ADARB2: variants seen among roughly 807,000 people sequenced by gnomAD.
ADARB2 encodes the protein inactive double-stranded RNA-specific editase B2.
A neutral mutation model predicts 62.2 loss-of-function variants in ADARB2; 25 were observed. The observed-to-expected ratio is 0.40, with a 90% CI of 0.29 to 0.56. The LOEUF (loss-of-function observed/expected upper bound fraction) is 0.56. ADARB2 is among the 20% of genes least tolerant of loss of function. ADARB2 has a pLI of 0.43. For synonymous variants in ADARB2, 572 were observed against 500.8 expected, an observed-to-expected ratio of 1.14 and a Z score of -1.90; for missense variants, 1,071 against 1,077.4, an observed-to-expected ratio of 0.99 and a Z score of 0.08.
At chr10:1,317,575 C>T (rs918843129) in intron 3 of ADARB2, among the ~76,000 whole-genome samples, 1 of 152,156 alleles carries the variant, frequency 6.6e-6, no homozygotes, top group Non-Finnish European at 1.5e-5. Flanking sequence ...CTTTCTTAGG[C>T]GCTATCTTCT....
At chr10:1,667,880 CTG>C (rs1834333155) in intron 1 of ADARB2, among the ~76,000 whole-genome samples, 1 of 152,184 alleles carries the variant, frequency 6.6e-6, no homozygotes, top group Non-Finnish European at 1.5e-5. Flanking sequence ...AAAATCATAA[CTG>C]TAGATATTAA....
rs577910831 is a variant in ADARB2 at position 1,532,673 on chromosome 10, T to C, written c.101-153513A>G. On this transcript the variant is annotated intron_variant, in intron 1 of 9. Transcript: ENST00000381312. ...CCAAGAGGTCATCACGGGCCTCTTC[T>C]CATCTCAGTGCCAGCCGTGATGATC... is the stretch of plus-strand genomic sequence containing the variant. 2.6e-5 allele frequency among the ~76,000 whole-genome samples: 4 copies of C among 152,298 alleles called. No individual in the cohort carries two copies. In the South Asian group the frequency reaches 8.3e-4, roughly 32 times the overall value.
At chr10:1,250,361 T>G (rs1443209589) in intron 4 of ADARB2, among the ~76,000 whole-genome samples, 2 of 152,094 alleles carry the variant, frequency 1.3e-5, no homozygotes, top group South Asian at 2.1e-4. Context: ...GGATTCCTTA[T>G]GAAGGGCTTG....
chr10:1,417,213 C>T (rs539131507), intron 1 of ADARB2, among the ~76,000 whole-genome samples: 1 of 151,712 alleles, frequency 6.6e-6, no homozygotes, highest in African/African-American at 2.4e-5. Flanking sequence ...AAGTGTAGAC[C>T]AAGACAGTCA....
rs1830992840 is a variant in ADARB2, at chr10:1,247,046, C to T, written c.1193-4747G>A. Among the ~76,000 whole-genome samples the T allele has an allele frequency of 5.9e-5, 9 of 152,274 alleles. No homozygotes were observed. In the South Asian group the frequency reaches 1.9e-3, roughly 32 times the overall value. On this transcript the variant is annotated intron_variant, in intron 4 of 9. Coordinates refer to ENST00000381312, the MANE Select transcript of ADARB2 (RefSeq NM_018702.4). ...TGTAGTTCTCCTTGAAGAGGTCCTT[C>T]ACATCCCTTGTAAGTTGGATTCCTA...
intron 1 of ADARB2, among the ~76,000 whole-genome samples, chr10:1,561,158 G>T (rs777850109): frequency 1.4e-4 from 21 of 152,150 alleles, no homozygotes; most frequent in Non-Finnish European, 2.8e-4. Flanking sequence ...TCAATATAAA[G>T]ACATCAAGGA....
intron 2 of ADARB2, among the ~76,000 whole-genome samples, chr10:1,375,154 G>A (rs1832411255): frequency 6.6e-6 from 1 of 152,182 alleles, no homozygotes; most frequent in South Asian, 2.1e-4. Flanking sequence ...ACAACTCCAG[G>A]GCCCAGGGCC....
At chr10:1,314,107 C>G (rs1589189518) in intron 3 of ADARB2, among the ~76,000 whole-genome samples, 1 of 152,198 alleles carries the variant, frequency 6.6e-6, no homozygotes, top group Non-Finnish European at 1.5e-5. Flanking sequence ...GCCTTAGGAC[C>G]TACTCACTTA....
At chr10:1,441,154 T>C (rs1257668002) in intron 1 of ADARB2, among the ~76,000 whole-genome samples, 1 of 152,226 alleles carries the variant, frequency 6.6e-6, no homozygotes, top group Non-Finnish European at 1.5e-5. Flanking sequence ...GGGTAGTTAA[T>C]AACATCTGCC....
rs574259667 is a variant in ADARB2, at chr10:1,624,396, C to A, written c.100+112655G>T. 7.2e-5 allele frequency among the ~76,000 whole-genome samples: 11 copies of A among 152,284 alleles called. No individual in the cohort carries two copies. The South Asian group carries it at 2.3e-3, about 32-fold the overall frequency. Reference sequence around the variant, plus strand: ...AGGCTCCAGCGAGCATGCCGTCCTGCCTGGTCTCCTACCCGTGGCTCCGAG... The same window carrying A: ...AGGCTCCAGCGAGCATGCCGTCCTGACTGGTCTCCTACCCGTGGCTCCGAG... On this transcript the variant is annotated intron_variant, in intron 1 of 9. Transcript: ENST00000381312.
chr10:1,278,682 C>T (rs1704158710), intron 3 of ADARB2, among the ~76,000 whole-genome samples: 1 of 152,002 alleles, frequency 6.6e-6, no homozygotes, highest in African/African-American at 2.4e-5. Context: ...CCTTCCTAGG[C>T]CCGAAAGGTT....
intron 2 of ADARB2, among the ~76,000 whole-genome samples, chr10:1,378,720 C>G (rs756624855): frequency 6.6e-6 from 1 of 151,742 alleles, no homozygotes; most frequent in Non-Finnish European, 1.5e-5. Context: ...AGGATGGGAC[C>G]ACAGGTGAGG....
intron 3 of ADARB2, among the ~76,000 whole-genome samples, chr10:1,356,482 C>T (rs1832196715): frequency 6.6e-6 from 1 of 152,170 alleles, no homozygotes; most frequent in South Asian, 2.1e-4. Flanking sequence ...CCCCAACGAT[C>T]CATTACCAGG....
chr10:1,618,390 TAA>T (rs1309444732), intron 1 of ADARB2, among the ~76,000 whole-genome samples: 1 of 152,214 alleles, frequency 6.6e-6, no homozygotes, highest in Non-Finnish European at 1.5e-5. Flanking sequence ...GCTTCAAACT[TAA>T]GATGAATGAG....
At chr10:1,297,844 C>T (rs542460763) in intron 3 of ADARB2, among the ~76,000 whole-genome samples, 17 of 152,310 alleles carry the variant, frequency 1.1e-4, no homozygotes, top group South Asian at 1.0e-3. Context: ...AGCCGCAGCC[C>T]GGGGCAGAGG....
intron 1 of ADARB2, among the ~76,000 whole-genome samples, chr10:1,630,536 C>T (rs1334216733): frequency 6.6e-6 from 1 of 152,124 alleles, no homozygotes; most frequent in African/African-American, 2.4e-5. Context: ...TTGGGTCTCC[C>T]ATGGTGACAG....
At chr10:1,314,633 A>G (rs936731339) in intron 3 of ADARB2, among the ~76,000 whole-genome samples, 1 of 152,178 alleles carries the variant, frequency 6.6e-6, no homozygotes, top group African/African-American at 2.4e-5. Flanking sequence ...GAGGGTCTCA[A>G]ATACGGCATG....
At chr10:1,710,504 G>A (rs1392612360) in intron 1 of ADARB2, among the ~76,000 whole-genome samples, 1 of 148,284 alleles carries the variant, frequency 6.7e-6, no homozygotes. Flanking sequence ...AGGATGAGAT[G>A]CCTGGGAATC....
chr10:1,633,602 ATC>A (rs1277460622), intron 1 of ADARB2, among the ~76,000 whole-genome samples: 1 of 148,392 alleles, frequency 6.7e-6, no homozygotes, highest in African/African-American at 2.5e-5. Flanking sequence ...CTATCTATCT[ATC>A]TATCTATCCC....
Sources: gnomAD v4.1 joint callset for allele counts (sites outside exome capture counted in the v4.1 genomes callset) on GRCh38, gnomAD v4.1.1 for gene constraint, MANE v1.5 for transcripts, NCBI Gene and HGNC (gene_info 2026-07-23, HGNC 2026-07-21) for gene names.